Variants in ELAVL1 observed in about 807,000 individuals in gnomAD.
ELAVL1 encodes ELAV-like protein 1.
A neutral mutation model predicts 28.4 loss-of-function variants in ELAVL1; 1 was observed. The ratio of observed to expected loss-of-function variants is 0.04; its 90% CI spans 0.01 to 0.17. ELAVL1 has a LOEUF of 0.17. ELAVL1 is among the 10% of genes least tolerant of loss of function. The pLI is 1.00. For missense variants in ELAVL1, 157 were observed against 447.2 expected (o/e 0.35, Z 5.85); for synonymous variants, 174 against 183.5 (o/e 0.95, Z 0.42).
chr19:7,986,266 A>G (rs1298731876), intron 2 of ELAVL1, among the ~76,000 whole-genome samples: 1 of 152,228 alleles, frequency 6.6e-6, no homozygotes, highest in Non-Finnish European at 1.5e-5. Flanking sequence ...CTCTCTTTAA[A>G]GGCTCAAGGG....
intron 4 of ELAVL1, among the ~76,000 whole-genome samples, chr19:7,970,078 T>G (rs979012967): frequency 2.0e-5 from 3 of 152,198 alleles, no homozygotes; most frequent in African/African-American, 4.8e-5. Context: ...GTTCAAGTGA[T>G]TCTCCTGCTT....
chr19:8,005,090 T>G (rs1003361099), intron 1 of ELAVL1, among the ~76,000 whole-genome samples: 14 of 152,212 alleles, frequency 9.2e-5, no homozygotes, highest in Admixed American at 9.1e-4. Flanking sequence ...TCTGTGGGAT[T>G]TCCCGGGGGA....
At position 7,983,258 on chromosome 19, in the gene ELAVL1, C is replaced by T. The variant is rs116155929; in HGVS notation, c.173-2072G>A. Among the ~76,000 whole-genome samples, 620 of 152,292 alleles carry T rather than the reference C, an allele frequency of 4.1e-3. 9 individuals carry two copies. Among genetic ancestry groups the T allele is most frequent in the African/African-American group, 0.014 (576 of 41,556 alleles). On this transcript the variant is annotated intron_variant, in intron 2 of 5. Transcript: ENST00000407627. ...AAGTGAGAACCCAGAGCACCAAGAC[C>T]GTAGGACCAGGCCCGTGTGGAGCGA...
intron 1 of ELAVL1, 135 bp from the exon 2 acceptor site, chr19:7,991,966 AG>A: frequency 1.3e-6 from 1 of 748,204 alleles, no homozygotes; most frequent in South Asian, 2.2e-5. Context: ...TTTGAGACAG[AG>A]TCTCACTCTG....
At position 7,981,146 on chromosome 19, in the gene ELAVL1, C is replaced by A; in HGVS notation, c.213G>T (p.Ala71=). 1 of 1,614,128 alleles carries A rather than the reference C, an allele frequency of 6.2e-7. No individual in the cohort carries two copies. The change falls in exon 3 of 6, where the codon GCG becomes GCT. Residue 71 remains alanine (A), a synonymous_variant. Coordinates refer to ENST00000407627, the MANE Select transcript of ELAVL1 (RefSeq NM_001419.3). The surrounding 1 kb of genome is among the most constrained non-coding windows in gnomAD (Gnocchi z 4.2). ...LGYGFVNYVT[A]KDAERAINTL... The stretch of plus-strand genomic sequence containing the variant: ...TGTTGATCGCTCTCTCTGCATCCTT[C>A]GCGGTCACGTAGTTCACAAAGCCAT...
rs1369662274 is a variant in ELAVL1 at position 7,981,893 on chromosome 19, C to T, written c.173-707G>A. Among the ~76,000 whole-genome samples, 2 of 152,142 alleles carry T rather than the reference C, an allele frequency of 1.3e-5. No individual in the cohort carries two copies. The highest frequency in any genetic ancestry group is 2.9e-5 in the Non-Finnish European group (2 of 68,030). On this transcript the variant is annotated intron_variant, in intron 2 of 5. Transcript: ENST00000407627. This position sits in a 1 kb window ranked among gnomAD's most constrained non-coding sequence, Gnocchi z 4.2. ...GCTGTTTCTCTGCCACTTCCTTGTC[C>T]AGAGCAGGAGGGCCTGCTGGCACCA...
chr19:8,005,207 G>A (rs1312601331), intron 1 of ELAVL1, among the ~76,000 whole-genome samples: 2 of 151,988 alleles, frequency 1.3e-5, no homozygotes, highest in Admixed American at 6.5e-5. Context: ...AGGCGACCGG[G>A]GCCCCCGGCC....
intron 4 of ELAVL1, among the ~76,000 whole-genome samples, chr19:7,969,836 A>T (rs1811728783): frequency 6.6e-6 from 1 of 152,026 alleles, no homozygotes; most frequent in African/African-American, 2.4e-5. Flanking sequence ...GAGTGAAAGG[A>T]AGAAAGCTCT....
rs1047630892 is a variant in ELAVL1 at position 7,991,692 on chromosome 19, T to C, written c.124A>G (p.Ser42Gly). ...TTTGCAGATTCAACTTCACCAATGC[T>C]GCTGAACAGGCTTCGTAACTCATCC... ...TQDELRSLFS[S>G]IGEVESAKLI... The change falls in exon 2 of 6, where the codon AGC (serine) becomes GGC (glycine). Residue 42 changes from serine to glycine, a missense_variant. By Grantham distance (56) the Ser-to-Gly change is moderately conservative. Transcript: ENST00000407627. 1 of 1,613,546 alleles carries C rather than the reference T, an allele frequency of 6.2e-7. No individual in the cohort carries two copies. Among genetic ancestry groups the C allele is most frequent in the Non-Finnish European group, 8.5e-7 (1 of 1,179,882 alleles).
At chr19:7,969,928 A>C (rs573464021) in intron 4 of ELAVL1, among the ~76,000 whole-genome samples, 156 of 152,184 alleles carry the variant, frequency 1.0e-3, no homozygotes, top group Non-Finnish European at 1.7e-3. Flanking sequence ...TACTTTCTGA[A>C]GATGGCTCTG....
chr19:7,971,984 G>A (rs1413012758), intron 4 of ELAVL1, among the ~76,000 whole-genome samples: 1 of 152,258 alleles, frequency 6.6e-6, no homozygotes, highest in Non-Finnish European at 1.5e-5. Flanking sequence ...GGCTGCTGGG[G>A]GAGTGCTGCT....
chr19:7,966,352 G>A (rs1309843698), intron 5 of ELAVL1, among the ~76,000 whole-genome samples: 6 of 152,082 alleles, frequency 3.9e-5, no homozygotes, highest in Non-Finnish European at 7.4e-5. Context: ...GACTCTCATC[G>A]CCTCTATCCC....
At chr19:8,003,360 AAAAAAAAAAAAAAAGAAAAAG>A (rs1414195389) in intron 1 of ELAVL1, among the ~76,000 whole-genome samples, 236 of 125,994 alleles carry the variant, frequency 1.9e-3, no homozygotes, top group Non-Finnish European at 2.3e-3. Context: ...TGTCTCAAAA[AAAAAAAAAAAAAAAGAAAAAG>A]AAAAAAAAAA....
chr19:8,003,988 G>T (rs963435115), intron 1 of ELAVL1, among the ~76,000 whole-genome samples: 1 of 152,146 alleles, frequency 6.6e-6, no homozygotes. Context: ...GAATCAGAGG[G>T]CCCGAGTTCA....
rs747141701 is a variant in ELAVL1, at chr19:7,991,839, G to C, written c.-16-8C>G. ...ATTGTATTTTTCAAAAATCTGCCAA[G>C]AGAAAAAGAGCAAGTAAATTCAAAA... On this transcript the variant is annotated splice_region_variant and splice_polypyrimidine_tract_variant and intron_variant, in intron 1 of 5. Transcript: ENST00000407627. 18 of 1,573,374 alleles carry C rather than the reference G, an allele frequency of 1.1e-5. No individual in the cohort carries two copies. The highest frequency in any genetic ancestry group is 1.7e-4 in the Middle Eastern group (1 of 5,918).
At chr19:7,970,003 C>T (rs940182737) in intron 4 of ELAVL1, among the ~76,000 whole-genome samples, 1 of 151,910 alleles carries the variant, frequency 6.6e-6, no homozygotes, top group Non-Finnish European at 1.5e-5. Flanking sequence ...GATGGAGTCT[C>T]GCTCTGTCGC....
intron 1 of ELAVL1, among the ~76,000 whole-genome samples, chr19:7,995,028 C>T (rs573520423): frequency 6.6e-6 from 1 of 152,262 alleles, no homozygotes; most frequent in African/African-American, 2.4e-5. Flanking sequence ...GGATAGAATT[C>T]TAAATATTCG....
At chr19:7,994,438 G>A (rs1044520496) in intron 1 of ELAVL1, among the ~76,000 whole-genome samples, 21 of 152,294 alleles carry the variant, frequency 1.4e-4, no homozygotes, top group Admixed American at 7.2e-4. Context: ...AACTTGATTC[G>A]GAACATCTAC....
intron 1 of ELAVL1, among the ~76,000 whole-genome samples, chr19:7,995,722 A>G (rs1568316946): frequency 6.6e-6 from 1 of 152,144 alleles, no homozygotes; most frequent in Admixed American, 6.6e-5. Context: ...TTGGAGAAAA[A>G]TCTTTGTGGC....
Sources: allele counts gnomAD v4.1 joint callset (sites outside exome capture counted in the v4.1 genomes callset), GRCh38; gene constraint gnomAD v4.1.1; non-coding constraint Gnocchi (gnomAD v3.1); transcripts MANE v1.5; gene names NCBI Gene and HGNC (gene_info 2026-07-23, HGNC 2026-07-21).